The following CCND3 variants were observed in gnomAD, a reference collection of about 807,000 sequenced individuals.
CCND3 encodes cyclin D3.
Under a neutral mutation model 28.7 loss-of-function variants are expected in CCND3, and 9 were observed. The observed-to-expected ratio is 0.31, with a 90% CI of 0.19 to 0.55. The LOEUF (loss-of-function observed/expected upper bound fraction) is 0.55, where lower values mean the gene tolerates loss of function less well. Ranked by LOEUF, CCND3 falls within the 20% of genes least tolerant of loss-of-function variation. The probability of loss-of-function intolerance (pLI) is 0.93; values close to 1 mark genes in which losing one functional copy is unlikely to be tolerated. For missense variants in CCND3, 315 were observed against 385.8 expected (o/e 0.82, Z 1.54); for synonymous variants, 164 against 163.9 (o/e 1.00, Z 0.00).
chr6:42,025,782 A>T (rs1213202970), intron 1 of CCND3, among the ~76,000 whole-genome samples: 2 of 152,238 alleles, frequency 1.3e-5, no homozygotes, highest in Non-Finnish European at 2.9e-5. Context: ...GGGAGGCAGA[A>T]AGGGAACCAG....
chr6:41,971,173 A>C (rs1439222991), intron 1 of CCND3, among the ~76,000 whole-genome samples: 1 of 152,262 alleles, frequency 6.6e-6, no homozygotes, highest in East Asian at 1.9e-4. Context: ...CAGCCTCGGC[A>C]TCCCAAAGTG....
At chr6:41,944,562 C>T (rs552486121), upstream of CCND3, among the ~76,000 whole-genome samples, 4 of 152,160 alleles carry the variant, frequency 2.6e-5, no homozygotes, top group South Asian at 4.2e-4. Flanking sequence ...GCTGGGATTA[C>T]GGGTGCATAC....
intron 1 of CCND3, among the ~76,000 whole-genome samples, chr6:41,956,492 A>G (rs1216671842): frequency 6.6e-6 from 1 of 152,110 alleles, no homozygotes; most frequent in Non-Finnish European, 1.5e-5. Context: ...AAGGTAGGCC[A>G]TCATATTCCC....
chr6:41,986,847 G>T (rs917534304), intron 1 of CCND3, among the ~76,000 whole-genome samples: 3 of 151,878 alleles, frequency 2.0e-5, no homozygotes, highest in African/African-American at 7.2e-5. Context: ...TCCTTGTCAC[G>T]GATCTATTTC....
intron 1 of CCND3, among the ~76,000 whole-genome samples, chr6:41,956,786 T>A (rs1417724763): frequency 6.6e-6 from 1 of 151,936 alleles, no homozygotes; most frequent in Non-Finnish European, 1.5e-5. Flanking sequence ...CCCAGCACTT[T>A]GGGAGGCTGA....
chr6:41,948,333 G>GT (rs1194139168), intron 1 of CCND3, among the ~76,000 whole-genome samples: 16 of 113,542 alleles, frequency 1.4e-4, no homozygotes, highest in South Asian at 3.3e-4. Context: ...TAAGTTTTTT[G>GT]TTTTTTTTTG....
chr6:41,962,484 G>A (rs983089467), intron 1 of CCND3, among the ~76,000 whole-genome samples: 3 of 152,134 alleles, frequency 2.0e-5, no homozygotes, highest in African/African-American at 4.8e-5. Flanking sequence ...AGGCACAGTG[G>A]CTTACACCTG....
At chr6:41,956,403 T>C (rs1410232094) in intron 1 of CCND3, among the ~76,000 whole-genome samples, 4 of 152,210 alleles carry the variant, frequency 2.6e-5, no homozygotes, top group Non-Finnish European at 5.9e-5. Context: ...GGAAAGACCA[T>C]GAGGTGCTGG....
chr6:41,942,744 C>T (rs1044800779), upstream of CCND3, among the ~76,000 whole-genome samples: 3 of 152,032 alleles, frequency 2.0e-5, no homozygotes, highest in African/African-American at 7.2e-5. Context: ...TTCCACTTGA[C>T]GAAGAGGCCG....
chr6:42,037,065 A>C (rs12202607), intron 1 of CCND3, among the ~76,000 whole-genome samples: 11,495 of 151,906 alleles, frequency 0.076, 620 homozygotes, highest in East Asian at 0.23. Context: ...CAGCCTCCCG[A>C]GTAGCTGGGA....
At chr6:41,949,298 C>T (rs748969749) in intron 1 of CCND3, among the ~76,000 whole-genome samples, 4 of 151,824 alleles carry the variant, frequency 2.6e-5, no homozygotes, top group Non-Finnish European at 4.4e-5. Context: ...CGAGGCCAGG[C>T]GTTCAAGACC....
intron 1 of CCND3, among the ~76,000 whole-genome samples, chr6:42,044,406 G>A (rs73733079): frequency 0.01 from 1,535 of 152,302 alleles, 25 homozygotes; most frequent in East Asian, 0.043. Context: ...CCTGGTGGAC[G>A]ATCAGGGACT....
At chr6:41,988,699 CT>C (rs758582662) in intron 1 of CCND3, among the ~76,000 whole-genome samples, 3 of 96,704 alleles carry the variant, frequency 3.1e-5, no homozygotes, top group African/African-American at 1.0e-4. Context: ...AACTTCTTTT[CT>C]TTTTTTTTTT....
intron 1 of CCND3, among the ~76,000 whole-genome samples, chr6:42,034,468 CTTTTTTTTT>C (rs34822771): frequency 9.8e-5 from 5 of 50,978 alleles, no homozygotes; most frequent in African/African-American, 3.4e-4. Context: ...CCCTGTCACT[CTTTTTTTTT>C]TTTTTTTTTT....
At chr6:41,975,280 T>C (rs964869394) in intron 1 of CCND3, among the ~76,000 whole-genome samples, 5 of 152,200 alleles carry the variant, frequency 3.3e-5, no homozygotes, top group Non-Finnish European at 5.9e-5. Context: ...TTGGAGAAAC[T>C]CCAGCAAGGG....
chr6:42,036,929 T>TTTTTG (rs1310349191), intron 1 of CCND3, among the ~76,000 whole-genome samples: 2 of 151,994 alleles, frequency 1.3e-5, no homozygotes, highest in Non-Finnish European at 2.9e-5. Context: ...GCTTATGGAT[T>TTTTTG]TTTTGTTTTG....
In CCND3 at chr6:41,989,454, C is replaced by CAAAAAAAAAAAAAAAAAAAAAAAAAAAAA. The variant is rs35776222; in HGVS notation, c.-45-48870_-45-48869insTTTTTTTTTTTTTTTTTTTTTTTTTTTTT. On this transcript the variant is annotated intron_variant, in intron 1 of 4. Coordinates refer to the CCND3 transcript ENST00000372988. ...GGGCGACAAGAGTGAAACACTGTCT[C>CAAAAAAAAAAAAAAAAAAAAAAAAAAAAA]AAAAAAAAAAAACAAAAAAAAAAAA... Among the ~76,000 whole-genome samples, 2 of 21,706 alleles carry CAAAAAAAAAAAAAAAAAAAAAAAAAAAAA rather than the reference C, an allele frequency of 9.2e-5. 1 individual carries two copies. Among genetic ancestry groups the CAAAAAAAAAAAAAAAAAAAAAAAAAAAAA allele is most frequent in the African/African-American group, 2.6e-4 (2 of 7,770 alleles). The allele number at this position is 21,706 out of a possible 152,430, so 14.2% of individuals were successfully genotyped here.
At chr6:41,948,605 G>A (rs1201324098) in intron 1 of CCND3, among the ~76,000 whole-genome samples, 16 of 151,766 alleles carry the variant, frequency 1.1e-4, no homozygotes, top group Admixed American at 8.5e-4. Context: ...TTGGGAGGCC[G>A]AGGCAGGCAG....
intron 1 of CCND3, among the ~76,000 whole-genome samples, chr6:42,047,329 A>G (rs1427046798): frequency 6.6e-6 from 1 of 152,220 alleles, no homozygotes; most frequent in East Asian, 1.9e-4. Flanking sequence ...GGCCATAGCA[A>G]ATAGGTGCTG....
Sources: allele counts gnomAD v4.1 joint callset (sites outside exome capture counted in the v4.1 genomes callset), GRCh38; gene constraint gnomAD v4.1.1; transcripts MANE v1.5; gene names NCBI Gene and HGNC (gene_info 2026-07-23, HGNC 2026-07-21).